NALCN: variants seen among roughly 807,000 people sequenced by gnomAD.
The protein encoded by NALCN is sodium leak channel, non-selective.
A neutral mutation model predicts 225.3 loss-of-function variants in NALCN; 111 were observed. That is an observed-to-expected ratio of 0.49 (90% CI 0.42 to 0.58). The LOEUF (loss-of-function observed/expected upper bound fraction) is 0.58, where lower values mean the gene tolerates loss of function less well. Among genes scored for constraint, NALCN ranks in the 20% least tolerant of loss-of-function variants. The pLI is 0.00. For synonymous variants in NALCN, 764 were observed against 769.0 expected (o/e 0.99, Z 0.11); for missense variants, 1,378 against 2,202.4 (o/e 0.63, Z 7.49).
chr13:101,305,482 G>T (rs1271360207), intron 7 of NALCN, among the ~76,000 whole-genome samples: 8 of 152,118 alleles, frequency 5.3e-5, no homozygotes, highest in Admixed American at 5.2e-4. Context: ...CTTTCATTTG[G>T]CCTATTTAAT....
chr13:101,197,681 G>T (rs2039946559), intron 13 of NALCN, among the ~76,000 whole-genome samples: 1 of 152,146 alleles, frequency 6.6e-6, no homozygotes, highest in Non-Finnish European at 1.5e-5. Context: ...GGTCCAGTTT[G>T]CTATGAGGTG....
chr13:101,214,707 T>A (rs16958645), intron 13 of NALCN, among the ~76,000 whole-genome samples: 2,223 of 152,230 alleles, frequency 0.015, 48 homozygotes, highest in African/African-American at 0.05. Context: ...TCTGCTAGAC[T>A]TTGGTTTTTA....
At chr13:101,376,516 AAAAATAAAAT>A (rs149479126) in intron 6 of NALCN, among the ~76,000 whole-genome samples, 174 bp downstream of exon 6, 2 of 150,504 alleles carry the variant, frequency 1.3e-5, no homozygotes, top group Admixed American at 6.7e-5. Flanking sequence ...ACTCCATCTC[AAAAATAAAAT>A]AAAATAAAAT....
At chr13:101,123,498 G>A (rs981569548) in intron 18 of NALCN, among the ~76,000 whole-genome samples, 5 of 152,124 alleles carry the variant, frequency 3.3e-5, no homozygotes, top group East Asian at 1.9e-4. Flanking sequence ...CCAGCCAGTC[G>A]GGAGTAAGCC....
At chr13:101,086,701 A>G (rs2139532597) in intron 30 of NALCN, among the ~76,000 whole-genome samples, 1 of 152,176 alleles carries the variant, frequency 6.6e-6, no homozygotes. Flanking sequence ...TTTTTGAGAT[A>G]TATGTTAATA....
chr13:101,136,902 A>G, intron 17 of NALCN, among the ~76,000 whole-genome samples: 2 of 152,228 alleles, frequency 1.3e-5, no homozygotes, highest in Non-Finnish European at 2.9e-5. Flanking sequence ...TGGTTGAACT[A>G]GTTTACGGTC....
chr13:101,313,121 C>T (rs1484945258), intron 7 of NALCN, among the ~76,000 whole-genome samples: 1 of 152,116 alleles, frequency 6.6e-6, no homozygotes. Flanking sequence ...GGAAAACTGG[C>T]TAGCCATATG....
intron 40 of NALCN, among the ~76,000 whole-genome samples, chr13:101,064,040 G>A (rs1046847041): frequency 8.5e-5 from 13 of 152,190 alleles, no homozygotes; most frequent in African/African-American, 3.1e-4. Flanking sequence ...ACATAAGTAA[G>A]TGCTTCCTTT....
At chr13:101,177,595 T>G (rs1246510586) in intron 14 of NALCN, among the ~76,000 whole-genome samples, 1 of 151,940 alleles carries the variant, frequency 6.6e-6, no homozygotes, top group Non-Finnish European at 1.5e-5. Context: ...TGTATGCTTC[T>G]TTTAGAACAG....
intron 10 of NALCN, among the ~76,000 whole-genome samples, chr13:101,270,663 T>A (rs912905641): frequency 6.6e-6 from 1 of 152,256 alleles, no homozygotes; most frequent in Non-Finnish European, 1.5e-5. Context: ...AACTGCCTGA[T>A]ACACAAAGTG....
chr13:101,163,059 G>A (rs1352107015), intron 15 of NALCN, among the ~76,000 whole-genome samples: 3 of 152,006 alleles, frequency 2.0e-5, no homozygotes, highest in Admixed American at 6.6e-5. Flanking sequence ...CCGCCACTAC[G>A]CCTGGCTAAT....
In NALCN at chr13:101,329,195, G is replaced by A. The variant is rs2045071118; in HGVS notation, c.799+16071C>T. ...AATATATCTGTATGCACAAATATAG[G>A]TTATTGTTTTACTGGACATAAGATG... On this transcript the variant is annotated intron_variant, in intron 7 of 43. Coordinates refer to ENST00000251127, the MANE Select transcript of NALCN (RefSeq NM_052867.4). 2.6e-5 allele frequency among the ~76,000 whole-genome samples: 4 copies of A among 152,072 alleles called. No individual in the cohort carries two copies. The South Asian group carries it at 8.3e-4, about 31-fold the overall frequency.
Position 101,058,002 on chromosome 13 carries a change from G to A in NALCN, c.4960C>T (p.Arg1654Trp), listed in dbSNP as rs1022894278. The A allele has an allele frequency of 3.7e-6, 6 of 1,613,802 alleles. No individual in the cohort carries two copies. Among genetic ancestry groups the A allele is most frequent in the Middle Eastern group, 1.6e-4 (1 of 6,062 alleles). The change falls in exon 43 of 44, where the codon CGG (arginine) becomes TGG (tryptophan). Residue 1654 changes from arginine to tryptophan, a missense_variant. Arg to Trp is a moderately radical substitution (Grantham distance 101). Around this residue, in one of 19 missense-constraint regions of NALCN, gnomAD observed 145 missense variants for 169.6 expected, o/e 0.85. Coordinates refer to ENST00000251127, the MANE Select transcript of NALCN (RefSeq NM_052867.4). Reference protein sequence around the residue: ...SPTLSDRGGSRQDAADAGKPQ... With the variant: ...SPTLSDRGGSWQDAADAGKPQ... ...TTCCCTGCGTCGGCTGCATCTTGCCGACTTCCTCCTCGATCCGACAGCGTG... is the reference window on the plus strand; with the variant it reads ...TTCCCTGCGTCGGCTGCATCTTGCCAACTTCCTCCTCGATCCGACAGCGTG...
chr13:101,374,327 G>A (rs2046625588), intron 6 of NALCN, among the ~76,000 whole-genome samples: 1 of 146,284 alleles, frequency 6.8e-6, no homozygotes, highest in Admixed American at 6.9e-5. Context: ...CCAGGCTGGA[G>A]TGCAGTGGCG....
chr13:101,221,884 G>A (rs569842914), intron 13 of NALCN, among the ~76,000 whole-genome samples: 89 of 152,216 alleles, frequency 5.8e-4, no homozygotes, highest in African/African-American at 1.0e-3. Context: ...GGATATTTCC[G>A]ATTATGGGTA....
At chr13:101,297,963 A>T (rs531407763) in intron 7 of NALCN, among the ~76,000 whole-genome samples, 2 of 152,282 alleles carry the variant, frequency 1.3e-5, no homozygotes, top group African/African-American at 4.8e-5. Flanking sequence ...GTCCTGGTTA[A>T]ATCTCAGTTT....
rs575859233 is a variant in NALCN, at chr13:101,055,986, G to A, written c.5024-498C>T. 2.3e-4 allele frequency among the ~76,000 whole-genome samples: 35 copies of A among 152,226 alleles called. No individual in the cohort carries two copies. In the South Asian group the frequency reaches 3.1e-3, roughly 14 times the overall value. Reference sequence around the variant, plus strand: ...GATATGTAGCTATGGGCAACTTCACGTCTCTGAACCCAAGTTTCCTCCATT... The same window carrying A: ...GATATGTAGCTATGGGCAACTTCACATCTCTGAACCCAAGTTTCCTCCATT... On this transcript the variant is annotated intron_variant, in intron 43 of 43. Transcript: ENST00000251127.
At chr13:101,410,557 T>C (rs1303481823) in intron 1 of NALCN, among the ~76,000 whole-genome samples, 1 of 152,244 alleles carries the variant, frequency 6.6e-6, no homozygotes, top group Non-Finnish European at 1.5e-5. Context: ...TTTTGTTTTA[T>C]AAAAGGATAA....
chr13:101,185,080 A>G (rs2039394703), intron 14 of NALCN, among the ~76,000 whole-genome samples: 1 of 152,128 alleles, frequency 6.6e-6, no homozygotes, highest in Non-Finnish European at 1.5e-5. Context: ...CCTGTTTACC[A>G]TTTATAATCA....
Sources: gnomAD v4.1 joint callset for allele counts (sites outside exome capture counted in the v4.1 genomes callset) on GRCh38, gnomAD v4.1.1 for gene constraint, gnomAD v4.1.1 regional missense constraint, MANE v1.5 for transcripts, NCBI Gene and HGNC (gene_info 2026-07-23, HGNC 2026-07-21) for gene names.